LHFPL6: variants seen among roughly 807,000 people sequenced by gnomAD.
The protein encoded by LHFPL6 is LHFPL tetraspan subfamily member 6.
In LHFPL6, 9 loss-of-function variants were observed where a neutral mutation model predicts 20.6. The observed-to-expected ratio is 0.44, with a 90% CI of 0.26 to 0.76. LHFPL6 has a LOEUF of 0.76. Ranked by LOEUF, LHFPL6 falls within the 30% of genes least tolerant of loss-of-function variation. LHFPL6 has a pLI of 0.20. For missense variants in LHFPL6, 218 were observed against 253.5 expected, an observed-to-expected ratio of 0.86 and a Z score of 0.95; for synonymous variants, 105 against 98.7, an observed-to-expected ratio of 1.06 and a Z score of -0.38.
intron 2 of LHFPL6, among the ~76,000 whole-genome samples, chr13:39,397,254 A>G (rs1013000535): frequency 7.2e-5 from 11 of 152,194 alleles, no homozygotes; most frequent in African/African-American, 2.7e-4. Context: ...AGAGACATAG[A>G]TAGAGGCTCT....
intron 2 of LHFPL6, among the ~76,000 whole-genome samples, chr13:39,570,742 G>A (rs1871887606): frequency 1.3e-5 from 2 of 152,172 alleles, no homozygotes; most frequent in African/African-American, 4.8e-5. Context: ...TCAACGGTCA[G>A]TATGGGGCAA....
intron 2 of LHFPL6, among the ~76,000 whole-genome samples, chr13:39,551,547 T>C (rs1871145992): frequency 6.6e-6 from 1 of 152,200 alleles, no homozygotes; most frequent in Non-Finnish European, 1.5e-5. Context: ...AACTTTGTCC[T>C]TCTTTTTCAA....
chr13:39,601,425 G>T (rs1347430009), intron 1 of LHFPL6, 35 bp from the exon 2 acceptor site: 8 of 466,952 alleles, frequency 1.7e-5, no homozygotes, highest in South Asian at 5.7e-5. Flanking sequence ...AAAATTAAAG[G>T]CATTAAAAGA....
At chr13:39,560,503 TC>T (rs1354437862) in intron 2 of LHFPL6, among the ~76,000 whole-genome samples, 52 of 96,364 alleles carry the variant, frequency 5.4e-4, no homozygotes, top group East Asian at 3.3e-3. Flanking sequence ...ATGCAAATTC[TC>T]TTTTTTTTTT....
intron 2 of LHFPL6, among the ~76,000 whole-genome samples, chr13:39,439,830 C>T (rs4943665): frequency 0.45 from 68,826 of 151,996 alleles, 17,705 homozygotes; most frequent in Non-Finnish European, 0.57. Flanking sequence ...TGATTAAAAG[C>T]TCCCTGAGGC....
At chr13:39,502,111 C>T (rs1338878470) in intron 2 of LHFPL6, among the ~76,000 whole-genome samples, 1 of 152,188 alleles carries the variant, frequency 6.6e-6, no homozygotes, top group African/African-American at 2.4e-5. Flanking sequence ...CCCTACATGG[C>T]TCCCATTTAC....
chr13:39,598,561 A>G (rs1377700719), intron 2 of LHFPL6, among the ~76,000 whole-genome samples: 1 of 151,682 alleles, frequency 6.6e-6, no homozygotes, highest in Non-Finnish European at 1.5e-5. Flanking sequence ...TATTTATTTT[A>G]TTTATTTATT....
chr13:39,382,213 T>C (rs1870454886), intron 2 of LHFPL6, among the ~76,000 whole-genome samples: 3 of 152,134 alleles, frequency 2.0e-5, no homozygotes, highest in Non-Finnish European at 4.4e-5. Context: ...CCTTTAAAAG[T>C]CCTATGGTAA....
intron 2 of LHFPL6, among the ~76,000 whole-genome samples, chr13:39,574,354 C>T (rs1336660596): frequency 6.6e-6 from 1 of 151,950 alleles, no homozygotes; most frequent in East Asian, 1.9e-4. Flanking sequence ...TGGTGGTGGG[C>T]ACCTGTAGTC....
chr13:39,415,302 A>G lies in LHFPL6; in HGVS notation c.386-36776T>C, dbSNP rs1278580090. On this transcript the variant is annotated intron_variant, in intron 2 of 3. Transcript: ENST00000379589. ...CATGAATCCCGTTGGATTTCTGAAA[A>G]GCTTGCATACTACTATATTGCCTCA... is the stretch of plus-strand genomic sequence containing the variant. 2.6e-5 allele frequency among the ~76,000 whole-genome samples: 4 copies of G among 152,216 alleles called. No homozygotes were observed. The South Asian group carries it at 6.2e-4, about 24-fold the overall frequency.
Position 39,588,850 on chromosome 13 carries a change from A to G in LHFPL6, c.385+11982T>C, listed in dbSNP as rs370496483. On this transcript the variant is annotated intron_variant, in intron 2 of 3. Coordinates refer to ENST00000379589, the MANE Select transcript of LHFPL6 (RefSeq NM_005780.3). ...ATTCTAGTCACTGCAGCATTAGAAT[A>G]AAAATATAAGTCATCGTTCCTACCC... is the stretch of plus-strand genomic sequence containing the variant. Among the ~76,000 whole-genome samples the G allele has an allele frequency of 1.1e-4, 16 of 152,364 alleles. No individual in the cohort carries two copies. The East Asian group carries it at 2.3e-3, about 22-fold the overall frequency.
chr13:39,589,657 T>C (rs2138547248), intron 2 of LHFPL6, among the ~76,000 whole-genome samples: 1 of 152,288 alleles, frequency 6.6e-6, no homozygotes, highest in East Asian at 1.9e-4. Flanking sequence ...CACAAAGCCT[T>C]TGGTTTTGTT....
intron 2 of LHFPL6, among the ~76,000 whole-genome samples, chr13:39,555,111 T>C (rs1001959561): frequency 6.6e-6 from 1 of 152,136 alleles, no homozygotes; most frequent in Non-Finnish European, 1.5e-5. Flanking sequence ...CCTTCAAAAT[T>C]CTAACAATAT....
chr13:39,358,610 A>C (rs1199334258), intron 3 of LHFPL6, among the ~76,000 whole-genome samples: 2 of 152,244 alleles, frequency 1.3e-5, no homozygotes, highest in South Asian at 2.1e-4. Context: ...GACAGCCTAC[A>C]GAATGGGAGA....
intron 2 of LHFPL6, among the ~76,000 whole-genome samples, chr13:39,562,707 T>TATAC (rs1279127810): frequency 3.3e-5 from 4 of 122,140 alleles, no homozygotes; most frequent in East Asian, 2.3e-4. Context: ...TATATATATA[T>TATAC]ACACACACAC....
At chr13:39,453,319 G>A (rs997607072) in intron 2 of LHFPL6, among the ~76,000 whole-genome samples, 7 of 152,194 alleles carry the variant, frequency 4.6e-5, no homozygotes, top group Non-Finnish European at 8.8e-5. Flanking sequence ...ATGAAAGGTA[G>A]CATCAGGCAA....
At position 39,553,346 on chromosome 13, in the gene LHFPL6, C is replaced by T. The variant is rs116821760; in HGVS notation, c.385+47486G>A. Among the ~76,000 whole-genome samples, 351 of 152,288 alleles carry T rather than the reference C, an allele frequency of 2.3e-3. 2 individuals are homozygous for T. Among genetic ancestry groups the T allele is most frequent in the African/African-American group, 8.3e-3 (346 of 41,558 alleles). On this transcript the variant is annotated intron_variant, in intron 2 of 3. Transcript: ENST00000379589. ...GCTTCACCCCATGAATTTGGACAGG[C>T]TTTGAAACTTCCTTTGGCCAGAGAA...
At chr13:39,458,422 C>G (rs181221059) in intron 2 of LHFPL6, among the ~76,000 whole-genome samples, 1 of 152,068 alleles carries the variant, frequency 6.6e-6, no homozygotes, top group African/African-American at 2.4e-5. Flanking sequence ...GCAAGCCAGG[C>G]GCGGTGGCTC....
At chr13:39,587,671 A>G (rs1214717592) in intron 2 of LHFPL6, among the ~76,000 whole-genome samples, 1 of 152,082 alleles carries the variant, frequency 6.6e-6, no homozygotes, top group Non-Finnish European at 1.5e-5. Context: ...AATTTTGTAC[A>G]AGAAATTGGT....
Sources: allele counts gnomAD v4.1 joint callset (sites outside exome capture counted in the v4.1 genomes callset), GRCh38; gene constraint gnomAD v4.1.1; transcripts MANE v1.5; gene names NCBI Gene and HGNC (gene_info 2026-07-23, HGNC 2026-07-21).